Variants in CCDC171 observed in about 807,000 individuals in gnomAD.
The protein encoded by CCDC171 is coiled-coil domain containing 171.
In CCDC171, 177 loss-of-function variants were observed where a neutral mutation model predicts 168.2. That is an observed-to-expected ratio of 1.05 (90% confidence interval 0.93 to 1.19). The LOEUF (loss-of-function observed/expected upper bound fraction) is 1.19. Among genes scored for constraint, CCDC171 ranks in the 50% most tolerant of loss-of-function variants. CCDC171 has a pLI of 0.00. For missense variants in CCDC171, 1,991 were observed against 1,539.0 expected (o/e 1.29, Z -4.91); for synonymous variants, 687 against 540.8 (o/e 1.27, Z -3.75).
At chr9:15,863,551 A>G (rs73422740) in intron 23 of CCDC171, among the ~76,000 whole-genome samples, 3,705 of 151,910 alleles carry the variant, frequency 0.024, 157 homozygotes, top group African/African-American at 0.086. Flanking sequence ...GAATGTGTCA[A>G]CTTCAAAATT....
At chr9:15,663,496 A>T (rs568649248) in intron 8 of CCDC171, among the ~76,000 whole-genome samples, 2 of 151,964 alleles carry the variant, frequency 1.3e-5, no homozygotes, top group Non-Finnish European at 2.9e-5. Context: ...TTTACGCCAA[A>T]TGTAGCATAC....
intron 3 of CCDC171, among the ~76,000 whole-genome samples, chr9:16,008,342 C>G (rs186059946): frequency 8.7e-4 from 133 of 152,218 alleles, no homozygotes; most frequent in African/African-American, 3.0e-3. Context: ...TCTTCTTTCC[C>G]CCATTGAATG....
At chr9:15,712,085 G>A (rs2134039200) in intron 11 of CCDC171, among the ~76,000 whole-genome samples, 1 of 152,312 alleles carries the variant, frequency 6.6e-6, no homozygotes, top group South Asian at 2.1e-4. Context: ...GAAGATTGAT[G>A]TTGCAGCCCA....
chr9:15,916,479 G>A (rs1472203652), intron 24 of CCDC171, among the ~76,000 whole-genome samples: 4 of 151,786 alleles, frequency 2.6e-5, no homozygotes, highest in Non-Finnish European at 5.9e-5. Context: ...AGAGTTTTTT[G>A]CTTTCCAATT....
At chr9:15,914,141 G>A (rs1824133610) in intron 24 of CCDC171, among the ~76,000 whole-genome samples, 1 of 152,198 alleles carries the variant, frequency 6.6e-6, no homozygotes, top group African/African-American at 2.4e-5. Flanking sequence ...CCTTGAGGAG[G>A]CAGTCTGTCC....
intron 21 of CCDC171, among the ~76,000 whole-genome samples, chr9:15,834,501 T>G (rs2060357984): frequency 6.6e-6 from 1 of 152,222 alleles, no homozygotes; most frequent in South Asian, 2.1e-4. Flanking sequence ...AGATGTTATT[T>G]CGGAAAACAC....
intron 18 of CCDC171, among the ~76,000 whole-genome samples, chr9:15,746,141 T>C (rs1401241036): frequency 2.0e-5 from 3 of 152,338 alleles, no homozygotes; most frequent in African/African-American, 7.2e-5. Context: ...TTTACAAAAG[T>C]TTAAAATGCA....
chr9:15,570,284 T>A (rs1323457825), intron 2 of CCDC171, among the ~76,000 whole-genome samples: 2 of 152,160 alleles, frequency 1.3e-5, no homozygotes, highest in Non-Finnish European at 2.9e-5. Context: ...TTTGATTTTT[T>A]AAGAGCTGTT....
intron 24 of CCDC171, among the ~76,000 whole-genome samples, chr9:15,877,234 G>A (rs1057484417): frequency 6.6e-6 from 1 of 151,968 alleles, no homozygotes; most frequent in Non-Finnish European, 1.5e-5. Context: ...CCCGAGACTT[G>A]CAGTGGGATT....
At chr9:15,958,627 C>G (rs907323752) in intron 25 of CCDC171, among the ~76,000 whole-genome samples, 2 of 151,166 alleles carry the variant, frequency 1.3e-5, no homozygotes, top group African/African-American at 4.9e-5. Flanking sequence ...CTTTGACTAA[C>G]AGTAGGAGTT....
At chr9:15,868,320 C>T (rs2061876901) in intron 23 of CCDC171, among the ~76,000 whole-genome samples, 1 of 152,024 alleles carries the variant, frequency 6.6e-6, no homozygotes, top group Middle Eastern at 3.2e-3. Context: ...GAGAGAGTGT[C>T]AAGGTCTCTT....
At chr9:15,584,582 C>A (rs1563987311) in intron 4 of CCDC171, among the ~76,000 whole-genome samples, 2 of 152,172 alleles carry the variant, frequency 1.3e-5, no homozygotes, top group Admixed American at 6.5e-5. Flanking sequence ...CACATGAGGG[C>A]CCCATGACCT....
intron 21 of CCDC171, 39 bp from the exon 22 acceptor site, chr9:15,846,663 C>G (rs1410372145): frequency 6.2e-7 from 1 of 1,600,200 alleles, no homozygotes; most frequent in South Asian, 1.1e-5. Flanking sequence ...AGTTAATTAT[C>G]AGGGCTGACA....
chr9:15,795,231 C>T (rs2058491705), intron 21 of CCDC171, among the ~76,000 whole-genome samples: 1 of 152,092 alleles, frequency 6.6e-6, no homozygotes, highest in African/African-American at 2.4e-5. Context: ...GGGGCCAAAC[C>T]CATCCTTTTA....
intron 6 of CCDC171, among the ~76,000 whole-genome samples, chr9:16,024,433 C>T (rs1488944244): frequency 6.6e-6 from 1 of 152,168 alleles, no homozygotes; most frequent in African/African-American, 2.4e-5. Context: ...CTTCCAGAAG[C>T]TGGGCCCCCT....
chr9:16,086,957 T>A, the CCDC171 span, among the ~76,000 whole-genome samples: 5 of 152,218 alleles, frequency 3.3e-5, no homozygotes, highest in African/African-American at 9.6e-5. Context: ...TTTTAAAAAC[T>A]TATTTATTTC....
At chr9:15,980,752 T>C (rs1831766319) in intron 3 of CCDC171, among the ~76,000 whole-genome samples, 1 of 151,982 alleles carries the variant, frequency 6.6e-6, no homozygotes, top group Non-Finnish European at 1.5e-5. Context: ...GTTTTTTTTT[T>C]TTTAATAACT....
chr9:15,593,977 C>A (rs2131511822), intron 5 of CCDC171, 64 bp from the exon 6 acceptor site: 1 of 1,112,556 alleles, frequency 9.0e-7, no homozygotes, highest in Non-Finnish European at 1.3e-6. Context: ...TACATTTAAA[C>A]TGGGGATGAA....
chr9:15,978,879 T>C (rs1487913133), downstream of CCDC171, among the ~76,000 whole-genome samples: 6 of 152,164 alleles, frequency 3.9e-5, no homozygotes, highest in African/African-American at 7.2e-5. Context: ...TCTGAACCCA[T>C]TGGCAATCAC....
Sources: allele counts gnomAD v4.1 joint callset (sites outside exome capture counted in the v4.1 genomes callset), GRCh38; gene constraint gnomAD v4.1.1; transcripts MANE v1.5; gene names NCBI Gene and HGNC (gene_info 2026-07-23, HGNC 2026-07-21).